Variants in OPRD1 observed in about 807,000 individuals in gnomAD.
OPRD1 encodes the protein opioid receptor delta 1, also known as delta-type opioid receptor.
In OPRD1, 19 loss-of-function variants were observed where a neutral mutation model predicts 17.5. The observed-to-expected ratio is 1.09, with a 90% CI of 0.76 to 1.60. OPRD1 has a LOEUF of 1.60. OPRD1 is among the 40% of genes most tolerant of loss of function. The pLI is 0.00. For synonymous variants in OPRD1, 256 were observed against 240.9 expected, an observed-to-expected ratio of 1.06 and a Z score of -0.58; for missense variants, 483 against 547.2, an observed-to-expected ratio of 0.88 and a Z score of 1.17.
At chr1:28,854,033 A>G (rs897462995) in intron 1 of OPRD1, among the ~76,000 whole-genome samples, 4 of 151,888 alleles carry the variant, frequency 2.6e-5, no homozygotes, top group African/African-American at 9.7e-5. Flanking sequence ...GAGCCACCAC[A>G]TCTGGCCAGA....
At chr1:28,846,962 CTCTTTCTT>C (rs1417957762) in intron 1 of OPRD1, among the ~76,000 whole-genome samples, 1 of 143,168 alleles carries the variant, frequency 7.0e-6, no homozygotes, top group Admixed American at 7.2e-5. Flanking sequence ...TTCTCTTTCT[CTCTTTCTT>C]CCTTCCTTCC....
intron 1 of OPRD1, among the ~76,000 whole-genome samples, chr1:28,858,488 A>C (rs139601549): frequency 1.7e-3 from 261 of 151,912 alleles, no homozygotes; most frequent in African/African-American, 5.9e-3. Flanking sequence ...TTGTCGGGGA[A>C]AGGAGCGATG....
In OPRD1 at chr1:28,864,854, C is replaced by G. The variant is rs1266538686; in HGVS notation, c.*1571C>G. 6.6e-6 allele frequency: 1 copy of G among 152,244 alleles called. No homozygotes were observed. Among genetic ancestry groups the G allele is most frequent in the East Asian group, 1.9e-4 (1 of 5,192 alleles). The allele number at this position is 152,244 out of a possible 1,614,324, so 9.4% of individuals were successfully genotyped here. On this transcript the variant is annotated 3_prime_UTR_variant, in exon 3 of 3. Transcript: ENST00000234961. ...AAATCCTCTTCCATTCTCCCAACAT[C>G]TGGCTGCATCCATGTGTCTGGTGTC...
chr1:28,855,054 C>A (rs2089044135), intron 1 of OPRD1, among the ~76,000 whole-genome samples: 1 of 152,008 alleles, frequency 6.6e-6, no homozygotes, highest in Admixed American at 6.6e-5. Context: ...GGGCGAGAGA[C>A]CCAAGTGGGC....
At chr1:28,838,492 C>A (rs1457022675) in intron 1 of OPRD1, among the ~76,000 whole-genome samples, 1 of 152,136 alleles carries the variant, frequency 6.6e-6, no homozygotes, top group Non-Finnish European at 1.5e-5. Context: ...CCCATTGTTA[C>A]CCATCAGAGC....
At position 28,816,803 on chromosome 1, in the gene OPRD1, G is replaced by A. The variant is rs572734869; in HGVS notation, c.227+4193G>A. Among the ~76,000 whole-genome samples the A allele has an allele frequency of 1.3e-3, 202 of 152,222 alleles. 1 individual carries two copies. The highest frequency in any genetic ancestry group is 4.7e-3 in the African/African-American group (197 of 41,538). On this transcript the variant is annotated intron_variant, in intron 1 of 2. Coordinates refer to ENST00000234961, the MANE Select transcript of OPRD1 (RefSeq NM_000911.4). ...CCGGGCAGAGTCAGTGTCCTCTGCA[G>A]GGCTGGCATCTCAGAGACTTCCCAT...
intron 1 of OPRD1, among the ~76,000 whole-genome samples, chr1:28,837,037 A>G (rs1438220490): frequency 1.3e-5 from 2 of 151,790 alleles, no homozygotes; most frequent in African/African-American, 4.8e-5. Context: ...TAATTATACA[A>G]CTCACCGTAA....
chr1:28,860,153 T>C (rs1317494245), intron 2 of OPRD1, among the ~76,000 whole-genome samples: 1 of 152,096 alleles, frequency 6.6e-6, no homozygotes, highest in Non-Finnish European at 1.5e-5. Context: ...TCACTTGAGG[T>C]CAGGAGTTCC....
Position 28,870,346 on chromosome 1 carries a change from G to T in OPRD1, c.*7063G>T, listed in dbSNP as rs952534409. ...GGCTCACTGCAACCTCCGCCGCCCG[G>T]GTTCAAGCAATTCTCCTGCCTCAGC... is the stretch of plus-strand genomic sequence containing the variant. On this transcript the variant is annotated 3_prime_UTR_variant, in exon 3 of 3. Transcript: ENST00000234961. 1 of 151,690 alleles carries T rather than the reference G, an allele frequency of 6.6e-6. No individual in the cohort carries two copies. The highest frequency in any genetic ancestry group is 1.5e-5 in the Non-Finnish European group (1 of 67,994). The allele number at this position is 151,690 out of a possible 1,614,324, so 9.4% of individuals were successfully genotyped here. A position where few individuals can be genotyped will look rare whatever the true frequency, so the allele number is the denominator to read the frequency against.
chr1:28,845,634 C>G (rs924504190), intron 1 of OPRD1, among the ~76,000 whole-genome samples: 1 of 151,960 alleles, frequency 6.6e-6, no homozygotes, highest in South Asian at 2.1e-4. Flanking sequence ...CAAATAAACA[C>G]AAGAAATCAT....
At chr1:28,820,635 G>T (rs979263929) in intron 1 of OPRD1, among the ~76,000 whole-genome samples, 1 of 151,972 alleles carries the variant, frequency 6.6e-6, no homozygotes, top group South Asian at 2.1e-4. Flanking sequence ...AGACCAGCCC[G>T]AACAATATGG....
intron 1 of OPRD1, among the ~76,000 whole-genome samples, chr1:28,820,258 A>T (rs529884937): frequency 6.7e-6 from 1 of 148,184 alleles, no homozygotes. Context: ...GCAGTGACGC[A>T]ATCTTGGCTC....
At chr1:28,837,683 A>C (rs912570684) in intron 1 of OPRD1, among the ~76,000 whole-genome samples, 3 of 150,798 alleles carry the variant, frequency 2.0e-5, no homozygotes, top group Admixed American at 6.6e-5. Context: ...AAAAAAACCC[A>C]AAAAATGGTT....
At chr1:28,862,146 T>A (rs2089129532) in intron 2 of OPRD1, among the ~76,000 whole-genome samples, 1 of 151,620 alleles carries the variant, frequency 6.6e-6, no homozygotes, top group South Asian at 2.1e-4. Context: ...CTCGATTTCC[T>A]GACCTCATGA....
At chr1:28,848,884 AG>A (rs2088975573) in intron 1 of OPRD1, among the ~76,000 whole-genome samples, 1 of 152,154 alleles carries the variant, frequency 6.6e-6, no homozygotes, top group African/African-American at 2.4e-5. Context: ...GAATGACAGC[AG>A]GGGTGAGGTG....
In OPRD1 at chr1:28,812,296, C is replaced by T; in HGVS notation, c.-88C>T. 3.2e-6 allele frequency: 3 copies of T among 932,898 alleles called. No individual in the cohort carries two copies. Among genetic ancestry groups the T allele is most frequent in the Non-Finnish European group, 4.1e-6 (3 of 726,084 alleles). The allele number at this position is 932,898 out of a possible 1,614,324, so 57.8% of individuals were successfully genotyped here. On this transcript the variant is annotated 5_prime_UTR_variant, in exon 1 of 3. Coordinates refer to ENST00000234961, the MANE Select transcript of OPRD1 (RefSeq NM_000911.4). ...GCGGCAGCCGGCGGCGTCGGGGCCG[C>T]GGCCTCTGCCTTGCCGCTCCCCTCG...
In OPRD1 at chr1:28,864,171, A is replaced by C. The variant is rs1360793673; in HGVS notation, c.*888A>C. On this transcript the variant is annotated 3_prime_UTR_variant, in exon 3 of 3. Coordinates refer to ENST00000234961, the MANE Select transcript of OPRD1 (RefSeq NM_000911.4). ...CAGGCCTAGCTCCTTGGAAGGTGAG[A>C]GGATCACTTGATCCCAGGAGTTTGA... 2 of 152,364 alleles carry C rather than the reference A, an allele frequency of 1.3e-5. No homozygotes were observed. The highest frequency in any genetic ancestry group is 2.9e-5 in the Non-Finnish European group (2 of 68,140). 9.4% of individuals were successfully genotyped at this position (152,364 alleles called of 1,614,324 possible).
chr1:28,834,373 C>CTTT (rs1557572323), intron 1 of OPRD1, among the ~76,000 whole-genome samples: 2 of 109,378 alleles, frequency 1.8e-5, no homozygotes, highest in Non-Finnish European at 3.4e-5. Flanking sequence ...GTATTTCTTT[C>CTTT]TTTTTTTCTT....
At chr1:28,818,206 C>T (rs2088685891) in intron 1 of OPRD1, among the ~76,000 whole-genome samples, 3 of 152,148 alleles carry the variant, frequency 2.0e-5, no homozygotes, top group Admixed American at 1.3e-4. Flanking sequence ...CACCTTTGGC[C>T]CTTTCCCATG....
Sources: gnomAD v4.1 joint callset for allele counts (sites outside exome capture counted in the v4.1 genomes callset) on GRCh38, gnomAD v4.1.1 for gene constraint, MANE v1.5 for transcripts, NCBI Gene and HGNC (gene_info 2026-07-23, HGNC 2026-07-21) for gene names.